Variants in DYSF observed in about 807,000 individuals in gnomAD.
DYSF encodes dysferlin.
Under a neutral mutation model 274.9 loss-of-function variants are expected in DYSF, and 212 were observed. The ratio of observed to expected loss-of-function variants is 0.77; its 90% confidence interval spans 0.69 to 0.86. The LOEUF is 0.86. Among genes scored for constraint, DYSF ranks in the 40% least tolerant of loss-of-function variants. DYSF has a pLI of 0.00. For missense variants in DYSF, 2,666 were observed against 2,783.2 expected, an observed-to-expected ratio of 0.96 and a Z score of 0.95; for synonymous variants, 1,091 against 1,078.7, an observed-to-expected ratio of 1.01 and a Z score of -0.22.
intron 55 of DYSF, among the ~76,000 whole-genome samples, chr2:71,684,078 C>T (rs927327402): frequency 2.6e-5 from 4 of 152,198 alleles, no homozygotes; most frequent in Admixed American, 1.3e-4. Flanking sequence ...TGGCTGTGGT[C>T]ACCTGAGGCG....
In DYSF at chr2:71,606,502, C is replaced by T. The variant is rs138016976; in HGVS notation, c.3957+3697C>T. Among the ~76,000 whole-genome samples, 8 of 152,212 alleles carry T rather than the reference C, an allele frequency of 5.3e-5. No individual in the cohort carries two copies. In the East Asian group the frequency reaches 1.2e-3, roughly 22 times the overall value. On this transcript the variant is annotated intron_variant, in intron 36 of 55. Coordinates refer to ENST00000410020, the MANE Select transcript of DYSF (RefSeq NM_001130987.2). ...GAGGCTTCCCAGTTGCAGTGAGGGT[C>T]GCAGCACCCTCACTGAGAATTACTG...
intron 13 of DYSF, among the ~76,000 whole-genome samples, chr2:71,526,936 C>A (rs147173538): frequency 3.3e-5 from 5 of 152,390 alleles, no homozygotes; most frequent in African/African-American, 1.2e-4. Context: ...TTGCAACCAT[C>A]TCTTCCTCCC....
chr2:71,539,271 C>G, intron 17 of DYSF, 32 bp downstream of exon 17: 1 of 1,590,142 alleles, frequency 6.3e-7, no homozygotes, highest in Non-Finnish European at 8.6e-7. Flanking sequence ...CCCTTTGACC[C>G]CCTGTGCTCT....
At chr2:71,558,958 C>T (rs897840965) in intron 22 of DYSF, among the ~76,000 whole-genome samples, 11 of 152,082 alleles carry the variant, frequency 7.2e-5, no homozygotes, top group Non-Finnish European at 1.2e-4. Flanking sequence ...GCAGAGCAGC[C>T]GGGCATGGGG....
At chr2:71,571,623 G>A (rs1282074784) in intron 29 of DYSF, among the ~76,000 whole-genome samples, 3 of 98,286 alleles carry the variant, frequency 3.1e-5, no homozygotes, top group Non-Finnish European at 5.8e-5. Flanking sequence ...CACACACACA[G>A]ATCACACCCA....
At position 71,564,108 on chromosome 2, in the gene DYSF, G is replaced by A. The variant is rs766676188; in HGVS notation, c.2460G>A (p.Lys820=). 1.2e-6 allele frequency: 2 copies of A among 1,614,266 alleles called. No homozygotes were observed. Among genetic ancestry groups the A allele is most frequent in the Non-Finnish European group, 1.7e-6 (2 of 1,180,042 alleles). ...TCATCTGGATGCTGCAGGGAGACAA[G>A]CGTGTGGCATACCAGCGGGTGCCCG... ...DIVIWMLQGD[K]RVAYQRVPAH... is the part of the protein sequence containing the mutation. The change falls in exon 24 of 56, where the codon AAG becomes AAA. Residue 820 remains lysine, a synonymous_variant. Coordinates refer to ENST00000410020, the MANE Select transcript of DYSF (RefSeq NM_001130987.2).
At chr2:71,637,993 G>A (rs1364053300) in intron 41 of DYSF, among the ~76,000 whole-genome samples, 1 of 152,088 alleles carries the variant, frequency 6.6e-6, no homozygotes, top group Non-Finnish European at 1.5e-5. Context: ...GTCTGCTGGG[G>A]AACAGCAGCT....
chr2:71,630,975 C>T (rs917360187), intron 41 of DYSF, among the ~76,000 whole-genome samples: 1 of 152,198 alleles, frequency 6.6e-6, no homozygotes, highest in African/African-American at 2.4e-5. Flanking sequence ...GACTTTGCCT[C>T]TCCTTGCTCT....
intron 41 of DYSF, 122 bp from the exon 42 acceptor site, chr2:71,643,843 C>A (rs893102133): frequency 5.2e-6 from 4 of 762,136 alleles, no homozygotes; most frequent in Non-Finnish European, 9.3e-6. Context: ...TCCCCCACAT[C>A]ACCCTTAGGA....
At chr2:71,475,894 G>A (rs567596584) in intron 1 of DYSF, among the ~76,000 whole-genome samples, 2 of 152,064 alleles carry the variant, frequency 1.3e-5, no homozygotes, top group East Asian at 3.9e-4. Context: ...TCAGCATCTC[G>A]AGTAGCTGGG....
intron 16 of DYSF, among the ~76,000 whole-genome samples, chr2:71,536,468 T>G (rs1229045971): frequency 6.6e-6 from 1 of 152,264 alleles, no homozygotes; most frequent in Non-Finnish European, 1.5e-5. Context: ...AGGAAAGATG[T>G]GCTTTACATC....
chr2:71,665,489 G>A (rs2094982401), intron 47 of DYSF, among the ~76,000 whole-genome samples, 185 bp downstream of exon 47: 1 of 152,168 alleles, frequency 6.6e-6, no homozygotes, highest in Non-Finnish European at 1.5e-5. Context: ...GTACTGACCT[G>A]TGATGCCACT....
rs2081562109 is a variant in DYSF, at chr2:71,466,781, G to C, written c.-62G>C. The stretch of plus-strand genomic sequence containing the variant: ...CCGGGCGCTTGCTGGGTGGGTGCTC[G>C]GGCCCGGTGCTCCCGCTCCCGCCCT... On this transcript the variant is annotated 5_prime_UTR_variant, in exon 1 of 56. Coordinates refer to ENST00000410020, the MANE Select transcript of DYSF (RefSeq NM_001130987.2). The C allele has an allele frequency of 2.7e-5, 39 of 1,434,180 alleles. No individual in the cohort carries two copies. The highest frequency in any genetic ancestry group is 2.5e-4 in the South Asian group (18 of 71,250). The allele number at this position is 1,434,180 out of a possible 1,614,324, so 88.8% of individuals were successfully genotyped here.
chr2:71,584,177 T>G (rs2092989215), intron 30 of DYSF, among the ~76,000 whole-genome samples: 2 of 142,722 alleles, frequency 1.4e-5, no homozygotes, highest in South Asian at 2.4e-4. Context: ...AGAGTGTGTG[T>G]GTGTGTGTGT....
At chr2:71,641,417 G>T (rs2094484816) in intron 41 of DYSF, among the ~76,000 whole-genome samples, 1 of 151,942 alleles carries the variant, frequency 6.6e-6, no homozygotes. Context: ...CTGACCTCGT[G>T]ATCCACCCGC....
chr2:71,467,065 C>A (rs961077741), intron 1 of DYSF, 132 bp downstream of exon 1: 2 of 1,313,650 alleles, frequency 1.5e-6, no homozygotes, highest in Non-Finnish European at 2.1e-6. Flanking sequence ...TCAGCAGGGA[C>A]GGAAATCCCA....
chr2:71,606,299 A>G (rs141170495), intron 36 of DYSF, among the ~76,000 whole-genome samples: 282 of 152,238 alleles, frequency 1.9e-3, no homozygotes, highest in African/African-American at 6.5e-3. Flanking sequence ...ACACCTGTAG[A>G]ACCCATCTCT....
intron 41 of DYSF, among the ~76,000 whole-genome samples, chr2:71,634,910 TTCTC>T (rs1249788407): frequency 6.6e-6 from 1 of 152,194 alleles, no homozygotes; most frequent in Non-Finnish European, 1.5e-5. Flanking sequence ...TCCTGGCTCT[TTCTC>T]TCTCCACTAA....
At chr2:71,655,432 A>G (rs150163381) in intron 42 of DYSF, among the ~76,000 whole-genome samples, 2 of 152,244 alleles carry the variant, frequency 1.3e-5, no homozygotes, top group African/African-American at 4.8e-5. Flanking sequence ...TGACGAATTT[A>G]GCATGTATGT....
Sources: allele counts gnomAD v4.1 joint callset (sites outside exome capture counted in the v4.1 genomes callset), GRCh38; gene constraint gnomAD v4.1.1; transcripts MANE v1.5; gene names NCBI Gene and HGNC (gene_info 2026-07-23, HGNC 2026-07-21).